PDS5B: variants seen among roughly 807,000 people sequenced by gnomAD.
PDS5B encodes sister chromatid cohesion protein PDS5 homolog B.
A neutral mutation model predicts 184.1 loss-of-function variants in PDS5B; 51 were observed. The ratio of observed to expected loss-of-function variants is 0.28; its 90% CI spans 0.22 to 0.35. PDS5B has a LOEUF of 0.35. PDS5B is among the 10% of genes least tolerant of loss of function. The pLI is 1.00. For synonymous variants in PDS5B, 566 were observed against 569.2 expected (o/e 0.99, Z 0.08); for missense variants, 1,180 against 1,723.3 (o/e 0.68, Z 5.58).
At chr13:32,625,833 G>A (rs114834208) in intron 1 of PDS5B, among the ~76,000 whole-genome samples, 289 of 141,656 alleles carry the variant, frequency 2.0e-3, no homozygotes, top group African/African-American at 7.6e-3. Context: ...GCTGAGACCA[G>A]TATTCTTTTT....
chr13:32,629,939 A>G (rs9595949), intron 1 of PDS5B, among the ~76,000 whole-genome samples: 2 of 152,000 alleles, frequency 1.3e-5, no homozygotes, highest in East Asian at 1.9e-4. Context: ...TGACTAGTTT[A>G]TAGGCTTTTA....
In PDS5B at chr13:32,778,000, T is replaced by A. The variant is rs1955002671; in HGVS notation, c.*2948T>A. The stretch of plus-strand genomic sequence containing the variant: ...ACACATTTTTGGATTTCTGTGAAGT[T>A]GAATAAACATAAAAGCTAATACAGT... On this transcript the variant is annotated 3_prime_UTR_variant, in exon 35 of 35. Transcript: ENST00000315596. The A allele has an allele frequency of 6.6e-6, 1 of 152,426 alleles. No individual in the cohort carries two copies. The highest frequency in any genetic ancestry group is 2.4e-5 in the African/African-American group (1 of 41,446). The allele number at this position is 152,426 out of a possible 1,614,324, so 9.4% of individuals were successfully genotyped here.
intron 19 of PDS5B, among the ~76,000 whole-genome samples, chr13:32,715,324 C>A (rs1952344861): frequency 6.6e-6 from 1 of 152,166 alleles, no homozygotes. Flanking sequence ...TGTACCACCC[C>A]TTTTTTATCA....
Position 32,624,839 on chromosome 13 carries a change from C to T in PDS5B, c.-19-23915C>T, listed in dbSNP as rs893333254. Among the ~76,000 whole-genome samples the T allele has an allele frequency of 2.1e-4, 32 of 152,124 alleles. 1 individual carries two copies. The highest frequency in any genetic ancestry group is 5.9e-5 in the Non-Finnish European group (4 of 68,030). On this transcript the variant is annotated intron_variant, in intron 1 of 34. Coordinates refer to ENST00000315596, the MANE Select transcript of PDS5B (RefSeq NM_015032.4). ...TGGCAAAAGGGCAAATGCTAATATG[C>T]ACATTTGCCCTTTTGCATCTCCAAG... is the stretch of plus-strand genomic sequence containing the variant.
chr13:32,596,504 C>T (rs1460295421), intron 1 of PDS5B, among the ~76,000 whole-genome samples: 2 of 152,132 alleles, frequency 1.3e-5, no homozygotes, highest in East Asian at 3.8e-4. Context: ...TTTCATTTCT[C>T]TTGAGTAAAT....
At chr13:32,702,897 A>G (rs1173248822) in intron 17 of PDS5B, among the ~76,000 whole-genome samples, 2 of 152,172 alleles carry the variant, frequency 1.3e-5, no homozygotes, top group East Asian at 1.9e-4. Context: ...ATAGATTGCC[A>G]AGGTGTTTTA....
At chr13:32,659,065 T>C (rs1019412522) in intron 5 of PDS5B, 89 bp from the exon 6 acceptor site, 2 of 850,806 alleles carry the variant, frequency 2.4e-6, no homozygotes, top group Non-Finnish European at 3.4e-6. Flanking sequence ...GTATTATTTT[T>C]GTAAAGCATA....
chr13:32,703,024 C>T (rs190344271), intron 17 of PDS5B, among the ~76,000 whole-genome samples: 18 of 152,020 alleles, frequency 1.2e-4, no homozygotes, highest in Admixed American at 3.9e-4. Context: ...CAAGGAAGAA[C>T]CAGAAATATT....
At chr13:32,689,930 A>T (rs535661676) in intron 13 of PDS5B, 1 of 152,128 alleles carries the variant, frequency 6.6e-6, no homozygotes. Context: ...AGACTTCTCT[A>T]CTCAGCCCAA....
intron 20 of PDS5B, 48 bp from the exon 21 acceptor site, chr13:32,735,124 T>C: frequency 1.3e-5 from 15 of 1,153,128 alleles, no homozygotes; most frequent in Non-Finnish European, 1.8e-5. Context: ...AAACAGTTTA[T>C]TTGTATATGT....
intron 6 of PDS5B, among the ~76,000 whole-genome samples, chr13:32,660,582 A>G (rs1314824788): frequency 6.6e-6 from 1 of 152,208 alleles, no homozygotes; most frequent in Admixed American, 6.5e-5. Context: ...TGCCAAGACA[A>G]ACCCTCCTAG....
chr13:32,731,134 T>C (rs1198808669), intron 19 of PDS5B, among the ~76,000 whole-genome samples: 1 of 152,114 alleles, frequency 6.6e-6, no homozygotes, highest in Non-Finnish European at 1.5e-5. Flanking sequence ...GTCTCTTCAT[T>C]CTCCATTTTT....
At chr13:32,688,412 C>A in intron 12 of PDS5B, 44 bp from the exon 13 acceptor site, 1 of 951,328 alleles carries the variant, frequency 1.1e-6, no homozygotes, top group Non-Finnish European at 1.6e-6. Flanking sequence ...AACTTTAGAA[C>A]ATTAGAAAAA....
intron 19 of PDS5B, among the ~76,000 whole-genome samples, chr13:32,729,536 T>C (rs1953028101): frequency 6.6e-6 from 1 of 152,218 alleles, no homozygotes; most frequent in Non-Finnish European, 1.5e-5. Context: ...TCTTCCACAA[T>C]GGTTGAATTA....
At chr13:32,743,320 AC>A (rs751268872) in intron 23 of PDS5B, among the ~76,000 whole-genome samples, 1,567 of 3,272 alleles carry the variant, frequency 0.48, 39 homozygotes, top group African/African-American at 0.51. Context: ...TTCCTTACCC[AC>A]GGAAGTAGGA....
At chr13:32,704,086 CT>C (rs1951937943) in intron 17 of PDS5B, among the ~76,000 whole-genome samples, 1 of 151,830 alleles carries the variant, frequency 6.6e-6, no homozygotes, top group Admixed American at 6.6e-5. Context: ...TTATTTCAGC[CT>C]TTGGTATCAT....
chr13:32,775,496 A>G lies in PDS5B; in HGVS notation c.*444A>G. On this transcript the variant is annotated 3_prime_UTR_variant, in exon 35 of 35. Transcript: ENST00000315596. The stretch of plus-strand genomic sequence containing the variant: ...TATTCTCTGCAATTTTACTGTGAAA[A>G]AAAATTTGTTTTCAACAATTGGTGT... 2.9e-6 allele frequency: 1 copy of G among 350,352 alleles called. No homozygotes were observed. Among genetic ancestry groups the G allele is most frequent in the South Asian group, 2.2e-5 (1 of 45,462 alleles). The allele number at this position is 350,352 out of a possible 1,614,324, so 21.7% of individuals were successfully genotyped here.
chr13:32,676,524 T>G (rs904474857), intron 9 of PDS5B, among the ~76,000 whole-genome samples: 1 of 152,114 alleles, frequency 6.6e-6, no homozygotes, highest in Non-Finnish European at 1.5e-5. Context: ...TCCCTGACCT[T>G]GAAATATTAA....
intron 5 of PDS5B, 82 bp downstream of exon 5, chr13:32,658,613 C>A (rs1349237913): frequency 4.6e-6 from 3 of 655,634 alleles, no homozygotes; most frequent in East Asian, 5.6e-5. Flanking sequence ...TAAACTGTTA[C>A]AATGAATATT....
Sources: allele counts gnomAD v4.1 joint callset (sites outside exome capture counted in the v4.1 genomes callset), GRCh38; gene constraint gnomAD v4.1.1; transcripts MANE v1.5; gene names NCBI Gene and HGNC (gene_info 2026-07-23, HGNC 2026-07-21).